TPRG1: variants seen among roughly 807,000 people sequenced by gnomAD.
The protein encoded by TPRG1 is tumor protein p63-regulated gene 1 protein.
A neutral mutation model predicts 29.3 loss-of-function variants in TPRG1; 29 were observed. The observed-to-expected ratio is 0.99, with a 90% CI of 0.74 to 1.35. The LOEUF is 1.35. TPRG1 is among the 40% of genes most tolerant of loss of function. The pLI is 0.00. For synonymous variants in TPRG1, 130 were observed against 116.8 expected (o/e 1.11, Z -0.73); for missense variants, 327 against 335.0 (o/e 0.98, Z 0.19).
chr3:189,276,652 A>G (rs975977106), intron 4 of TPRG1, among the ~76,000 whole-genome samples: 2 of 152,192 alleles, frequency 1.3e-5, no homozygotes, highest in African/African-American at 4.8e-5. Context: ...TTAATAGATC[A>G]TGTGTATTAA....
chr3:189,267,421 A>G (rs1364231958), intron 4 of TPRG1, among the ~76,000 whole-genome samples: 2 of 152,240 alleles, frequency 1.3e-5, no homozygotes, highest in East Asian at 1.9e-4. Context: ...AATATATAGA[A>G]AACTAATTTT....
At chr3:189,149,713 G>A (rs1390207019) in intron 4 of TPRG1, among the ~76,000 whole-genome samples, 1 of 152,022 alleles carries the variant, frequency 6.6e-6, no homozygotes, top group African/African-American at 2.4e-5. Flanking sequence ...TCTCTGCATG[G>A]TGGGGTCAGT....
chr3:189,087,442 C>T (rs1246446215), intron 4 of TPRG1, among the ~76,000 whole-genome samples: 3 of 151,482 alleles, frequency 2.0e-5, no homozygotes, highest in Non-Finnish European at 4.4e-5. Context: ...AAAATTTTCT[C>T]CCATTCTGTA....
chr3:189,047,708 T>C (rs967121775), intron 4 of TPRG1, among the ~76,000 whole-genome samples: 7 of 152,238 alleles, frequency 4.6e-5, no homozygotes, highest in African/African-American at 7.2e-5. Flanking sequence ...GTTTAATCCT[T>C]TGTTGTCATT....
At chr3:189,049,312 A>G (rs57997562) in intron 4 of TPRG1, among the ~76,000 whole-genome samples, 19,921 of 152,100 alleles carry the variant, frequency 0.13, 2,384 homozygotes, top group African/African-American at 0.32. Context: ...GTGGGGGCAT[A>G]GTGGGAGTGA....
At chr3:189,023,192 G>C (rs189930763) in intron 3 of TPRG1, among the ~76,000 whole-genome samples, 4 of 152,226 alleles carry the variant, frequency 2.6e-5, no homozygotes, top group Admixed American at 6.5e-5. Flanking sequence ...CGTCTTCTGC[G>C]TCGCTCACGC....
intron 3 of TPRG1, among the ~76,000 whole-genome samples, chr3:189,006,395 A>T (rs746760952): frequency 6.6e-6 from 1 of 152,174 alleles, no homozygotes; most frequent in African/African-American, 2.4e-5. Context: ...GATGCAATAC[A>T]GGCACTGAGG....
chr3:189,117,463 C>A (rs1332523138), intron 1 of TPRG1, among the ~76,000 whole-genome samples: 3 of 152,324 alleles, frequency 2.0e-5, no homozygotes, highest in African/African-American at 7.2e-5. Flanking sequence ...GGACTCCATG[C>A]CCTGTAGTTT....
rs1467333103 is a variant in TPRG1, at chr3:189,310,478, A to G, written c.572A>G (p.Tyr191Cys). ...RWNPWSTEVP[Y>C]ATFTEHPMKY... ...AACCCATGGTCCACTGAAGTTCCTT[A>G]TGCTACTTTCACTGAGCATCCTATG... Residue 191 changes from tyrosine (Y) to cysteine (C), a missense_variant, in exon 5 of 6, where the codon TAT becomes TGT. Transcript: ENST00000345063. 6.2e-7 allele frequency: 1 copy of G among 1,612,830 alleles called. No homozygotes were observed. The highest frequency in any genetic ancestry group is 8.5e-7 in the Non-Finnish European group (1 of 1,179,602).
chr3:189,072,924 TC>T (rs1252041061), intron 4 of TPRG1, among the ~76,000 whole-genome samples: 1 of 152,212 alleles, frequency 6.6e-6, no homozygotes, highest in Non-Finnish European at 1.5e-5. Flanking sequence ...GGGAGCCCCT[TC>T]AAGCATGCTT....
intron 4 of TPRG1, among the ~76,000 whole-genome samples, chr3:189,046,903 C>T (rs991982805): frequency 6.6e-6 from 1 of 152,152 alleles, no homozygotes; most frequent in Non-Finnish European, 1.5e-5. Flanking sequence ...ACAACAACAA[C>T]AACCACCACC....
chr3:189,166,478 A>G (rs1728180806), intron 5 of TPRG1, among the ~76,000 whole-genome samples: 1 of 152,230 alleles, frequency 6.6e-6, no homozygotes, highest in Non-Finnish European at 1.5e-5. Context: ...CTGACAAGGA[A>G]GCCAAAGGAT....
In TPRG1 at chr3:189,227,740, A is replaced by C. The variant is rs6773802; in HGVS notation, c.303-10993A>C. Among the ~76,000 whole-genome samples the C allele has an allele frequency of 6.4e-3, 977 of 152,340 alleles. 14 individuals carry two copies. The highest frequency in any genetic ancestry group is 0.023 in the African/African-American group (950 of 41,578). On this transcript the variant is annotated intron_variant, in intron 3 of 5. Transcript: ENST00000345063. Reference sequence around the variant, plus strand: ...AGAAAAATAAATAAATAATAAATTAAAAACTGTAAAACTATGGTCACGCCA... The same window carrying C: ...AGAAAAATAAATAAATAATAAATTACAAACTGTAAAACTATGGTCACGCCA...
chr3:189,070,238 G>T (rs1716728501), intron 4 of TPRG1, among the ~76,000 whole-genome samples: 1 of 151,668 alleles, frequency 6.6e-6, no homozygotes, highest in Non-Finnish European at 1.5e-5. Context: ...GGACAAATAA[G>T]TGGTTGCCAG....
intron 4 of TPRG1, among the ~76,000 whole-genome samples, chr3:189,273,802 T>C (rs1237715356): frequency 6.6e-6 from 1 of 152,176 alleles, no homozygotes; most frequent in African/African-American, 2.4e-5. Context: ...TAGGCCTATA[T>C]TGGTCTGTCC....
At chr3:189,316,122 T>C (rs56187368) in intron 5 of TPRG1, among the ~76,000 whole-genome samples, 19,220 of 152,224 alleles carry the variant, frequency 0.13, 1,419 homozygotes, top group African/African-American at 0.2. Context: ...TGTGTGCACA[T>C]ATGTGCATAT....
intron 4 of TPRG1, among the ~76,000 whole-genome samples, chr3:189,303,043 C>G (rs1721080953): frequency 6.6e-6 from 1 of 152,098 alleles, no homozygotes; most frequent in Non-Finnish European, 1.5e-5. Context: ...TCTTCATATA[C>G]AACAGCTGGC....
chr3:189,215,344 C>A lies in TPRG1; in HGVS notation c.263C>A (p.Thr88Asn), dbSNP rs1735907649. Residue 88 changes from threonine (T) to asparagine (N), a missense_variant, in exon 3 of 6, where the codon ACT becomes AAT. Coordinates refer to ENST00000345063, the MANE Select transcript of TPRG1 (RefSeq NM_198485.4). The part of the protein sequence containing the change: ...MEDLKGHVAE[T>N]SGETIQGFWL... ...GACTTGAAAGGTCACGTAGCTGAGA[C>A]TTCTGGAGAGACCATTCAAGGCTTC... 2 of 1,612,208 alleles carry A rather than the reference C, an allele frequency of 1.2e-6. No individual in the cohort carries two copies. The highest frequency in any genetic ancestry group is 2.7e-5 in the African/African-American group (2 of 74,776).
chr3:189,206,560 G>A (rs528884556), intron 1 of TPRG1, among the ~76,000 whole-genome samples: 1 of 150,646 alleles, frequency 6.6e-6, no homozygotes, highest in African/African-American at 2.5e-5. Flanking sequence ...GAGTGCAGTG[G>A]CATGATCTTG....
Sources: allele counts gnomAD v4.1 joint callset (sites outside exome capture counted in the v4.1 genomes callset), GRCh38; gene constraint gnomAD v4.1.1; transcripts MANE v1.5; gene names NCBI Gene and HGNC (gene_info 2026-07-23, HGNC 2026-07-21).